The following LPP variants were observed in gnomAD, a reference collection of about 807,000 sequenced individuals.
LPP encodes LIM domain containing preferred translocation partner in lipoma, also known as lipoma-preferred partner.
LPP carries 38 observed loss-of-function variants against 60.4 expected under a neutral mutation model. The ratio of observed to expected loss-of-function variants is 0.63; its 90% CI spans 0.49 to 0.83. The LOEUF (loss-of-function observed/expected upper bound fraction) is 0.83. Among genes scored for constraint, LPP ranks in the 40% least tolerant of loss-of-function variants. The probability of loss-of-function intolerance (pLI) is 0.00; values close to 1 mark genes in which losing one functional copy is unlikely to be tolerated. For synonymous variants in LPP, 328 were observed against 290.8 expected (o/e 1.13, Z -1.30); for missense variants, 902 against 783.6 (o/e 1.15, Z -1.80).
intron 1 of LPP, among the ~76,000 whole-genome samples, chr3:188,196,714 A>T (rs1027270629): frequency 1.3e-5 from 2 of 152,214 alleles, no homozygotes; most frequent in Non-Finnish European, 2.9e-5. Flanking sequence ...AATCCTTTGC[A>T]TGAATTAAGG....
chr3:188,627,571 G>T (rs866137974), intron 7 of LPP, among the ~76,000 whole-genome samples: 1 of 152,198 alleles, frequency 6.6e-6, no homozygotes, highest in Middle Eastern at 3.4e-3. Context: ...AATGATAAAG[G>T]GTTCAATTCA....
At chr3:188,577,825 CT>C in intron 6 of LPP, among the ~76,000 whole-genome samples, 1 of 40,592 alleles carries the variant, frequency 2.5e-5, no homozygotes, top group South Asian at 1.5e-3. Context: ...CTCCCCTCCC[CT>C]TCCTTCTTCT....
rs548976184 is a variant in LPP, at chr3:188,708,592, A to C, written c.1240+199A>C. The C allele has an allele frequency of 2.1e-4, 140 of 668,628 alleles. No individual in the cohort carries two copies. The African/African-American group carries it at 2.4e-3, about 11-fold the overall frequency. The allele number at this position is 668,628 out of a possible 1,614,324, so 41.4% of individuals were successfully genotyped here. On this transcript the variant is annotated intron_variant, in intron 8 of 11. Coordinates refer to ENST00000617246, the MANE Select transcript of LPP (RefSeq NM_001375462.1). ...CATAGATGTGATGTCTACTTAGCTTATACTAAAATTTCAGTGGTCCTTAGA... is the reference window on the plus strand; with the variant it reads ...CATAGATGTGATGTCTACTTAGCTTCTACTAAAATTTCAGTGGTCCTTAGA...
chr3:188,216,112 G>A (rs1028482347), intron 1 of LPP, among the ~76,000 whole-genome samples: 1 of 151,760 alleles, frequency 6.6e-6, no homozygotes, highest in Non-Finnish European at 1.5e-5. Context: ...TGAACTATTA[G>A]CATCTTTTGT....
At chr3:188,209,211 A>G (rs1218796584) in intron 1 of LPP, among the ~76,000 whole-genome samples, 2 of 152,184 alleles carry the variant, frequency 1.3e-5, no homozygotes, top group Non-Finnish European at 1.5e-5. Flanking sequence ...CCTTGGGAAT[A>G]TACTTAACCT....
chr3:188,403,689 A>C (rs1294618933), intron 3 of LPP, among the ~76,000 whole-genome samples: 1 of 152,230 alleles, frequency 6.6e-6, no homozygotes, highest in African/African-American at 2.4e-5. Flanking sequence ...AGAAAAAAAA[A>C]ATCATCTGAA....
At chr3:188,379,220 A>T (rs1463133090) in intron 3 of LPP, among the ~76,000 whole-genome samples, 1 of 152,216 alleles carries the variant, frequency 6.6e-6, no homozygotes, top group Non-Finnish European at 1.5e-5. Flanking sequence ...CAGCCACAAA[A>T]CTAACCAAAA....
At chr3:188,781,463 T>C (rs1294363249) in intron 9 of LPP, among the ~76,000 whole-genome samples, 1 of 152,146 alleles carries the variant, frequency 6.6e-6, no homozygotes, top group Non-Finnish European at 1.5e-5. Flanking sequence ...AGAGGTTTAA[T>C]TGGCTCACAG....
intron 8 of LPP, among the ~76,000 whole-genome samples, chr3:188,750,937 CTT>C (rs987953269): frequency 1.2e-4 from 18 of 152,094 alleles, no homozygotes; most frequent in African/African-American, 3.6e-4. Context: ...ACATTGAACT[CTT>C]AAGTTCTGTA....
chr3:188,394,944 C>T (rs981829274), intron 3 of LPP, among the ~76,000 whole-genome samples: 1 of 151,718 alleles, frequency 6.6e-6, no homozygotes, highest in Non-Finnish European at 1.5e-5. Context: ...ACTAGCCTCT[C>T]TTACAAAAAC....
At chr3:188,201,552 CA>C (rs758020451) in intron 1 of LPP, among the ~76,000 whole-genome samples, 3 of 151,956 alleles carry the variant, frequency 2.0e-5, no homozygotes, top group Non-Finnish European at 4.4e-5. Flanking sequence ...ACTAAAAATA[CA>C]AAAATTAGCC....
chr3:188,736,060 G>A (rs1442224820), intron 8 of LPP, among the ~76,000 whole-genome samples: 2 of 152,158 alleles, frequency 1.3e-5, no homozygotes, highest in Non-Finnish European at 2.9e-5. Flanking sequence ...AAAAAACACA[G>A]CCCCTTCACT....
intron 7 of LPP, among the ~76,000 whole-genome samples, chr3:188,656,795 A>G (rs1853315861): frequency 6.6e-6 from 1 of 152,188 alleles, no homozygotes; most frequent in South Asian, 2.1e-4. Flanking sequence ...AATACCTAAC[A>G]TTGGCATTGC....
chr3:188,377,623 G>T (rs1230452827), intron 3 of LPP, among the ~76,000 whole-genome samples: 1 of 152,028 alleles, frequency 6.6e-6, no homozygotes, highest in African/African-American at 2.4e-5. Context: ...TTTTTTCAAA[G>T]CTTTTAACTT....
intron 9 of LPP, among the ~76,000 whole-genome samples, chr3:188,843,786 C>CTAAAAAAAAAAAAAAA (rs1760735558): frequency 1.3e-5 from 1 of 75,734 alleles, no homozygotes. Flanking sequence ...GACTCCGTCT[C>CTAAAAAAAAAAAAAAA]AAAAAAAAAA....
At position 188,646,969 on chromosome 3, in the gene LPP, T is replaced by C. The variant is rs561685853; in HGVS notation, c.1113+37125T>C. Among the ~76,000 whole-genome samples the C allele has an allele frequency of 5.6e-4, 85 of 152,382 alleles. 1 individual carries two copies. Among genetic ancestry groups the C allele is most frequent in the African/African-American group, 1.9e-3 (77 of 41,596 alleles). On this transcript the variant is annotated intron_variant, in intron 7 of 11. Transcript: ENST00000617246. ...CCCTGCCTGAGCCTTACTGTGAATA[T>C]GTGCCAAGCAGAGTGTTGCTGTTAA...
At chr3:188,340,879 A>G (rs949779705) in intron 2 of LPP, among the ~76,000 whole-genome samples, 1 of 152,200 alleles carries the variant, frequency 6.6e-6, no homozygotes, top group African/African-American at 2.4e-5. Flanking sequence ...GATCATATAA[A>G]TGTGGATTTA....
chr3:188,651,214 CAT>C (rs1325908431), intron 7 of LPP, among the ~76,000 whole-genome samples: 1 of 152,270 alleles, frequency 6.6e-6, no homozygotes, highest in East Asian at 1.9e-4. Context: ...GATATTCAGA[CAT>C]ATATAACGCA....
At chr3:188,839,778 T>A (rs1218725671) in intron 9 of LPP, among the ~76,000 whole-genome samples, 1 of 152,040 alleles carries the variant, frequency 6.6e-6, no homozygotes, top group Non-Finnish European at 1.5e-5. Flanking sequence ...CTCAGGAGGC[T>A]GAGGGAGGAG....
Sources: allele counts gnomAD v4.1 joint callset (sites outside exome capture counted in the v4.1 genomes callset), GRCh38; gene constraint gnomAD v4.1.1; transcripts MANE v1.5; gene names NCBI Gene and HGNC (gene_info 2026-07-23, HGNC 2026-07-21).